Variants in SPATA31F1 observed in about 807,000 individuals in gnomAD.
The protein encoded by SPATA31F1 is SPATA31 subfamily F member 1.
the SPATA31F1 span, chr9:34,725,914 C>T: frequency 5.8e-6 from 9 of 1,551,888 alleles, no homozygotes; most frequent in South Asian, 1.2e-5. Flanking sequence ...CAACCAGGGA[C>T]TCACTGTGCA....
the SPATA31F1 span, chr9:34,723,948 G>A: frequency 2.1e-5 from 32 of 1,551,254 alleles, no homozygotes; most frequent in Non-Finnish European, 2.5e-5. Context: ...CGGCTCCATC[G>A]CCAGGACCCT....
the SPATA31F1 span, chr9:34,723,512 G>T: frequency 3.2e-6 from 5 of 1,551,794 alleles, no homozygotes; most frequent in South Asian, 5.9e-5. Flanking sequence ...TCTGGTTTTG[G>T]CCACCTTCGC....
the SPATA31F1 span, chr9:34,723,620 G>A: frequency 2.6e-6 from 4 of 1,551,768 alleles, no homozygotes; most frequent in South Asian, 4.8e-5. Context: ...GCTAGACTCT[G>A]TAAGGCTGGG....
the SPATA31F1 span, chr9:34,729,256 A>C: frequency 6.5e-7 from 1 of 1,545,462 alleles, no homozygotes; most frequent in African/African-American, 1.4e-5. Flanking sequence ...CTGAGGCTTA[A>C]TTAGTTCAGT....
chr9:34,723,890 G>A, the SPATA31F1 span: 1 of 1,551,704 alleles, frequency 6.4e-7, no homozygotes, highest in South Asian at 1.2e-5. Context: ...CTTAAGCTGA[G>A]GGTGATGCTG....
chr9:34,724,192 C>T, the SPATA31F1 span: 1 of 1,551,370 alleles, frequency 6.4e-7, no homozygotes, highest in Non-Finnish European at 8.7e-7. Context: ...TGGGTTTGTT[C>T]ACATTGGCCT....
the SPATA31F1 span, chr9:34,728,665 A>G: frequency 1.3e-6 from 2 of 1,551,292 alleles, no homozygotes; most frequent in Non-Finnish European, 1.7e-6. Context: ...CTTAGAAGAC[A>G]AAAACATTAG....
the SPATA31F1 span, chr9:34,724,167 A>G: frequency 2.6e-6 from 4 of 1,551,072 alleles, no homozygotes; most frequent in Non-Finnish European, 2.6e-6. Flanking sequence ...TCAGGGCCAC[A>G]GGGTTCCTCC....
the SPATA31F1 span, chr9:34,729,471 G>A: frequency 5.4e-5 from 82 of 1,519,318 alleles, no homozygotes; most frequent in Middle Eastern, 7.1e-4. Context: ...CCTCTATCTC[G>A]GAATTCAGGG....
At chr9:34,728,593 G>A in the SPATA31F1 span, 8 of 1,549,672 alleles carry the variant, frequency 5.2e-6, no homozygotes, top group Middle Eastern at 2.1e-4. Context: ...AGTCAGAGGA[G>A]AGATTGGGAC....
chr9:34,723,937 A>G, the SPATA31F1 span: 2 of 1,551,462 alleles, frequency 1.3e-6, no homozygotes, highest in East Asian at 4.9e-5. Context: ...GATGAAAGCT[A>G]CGGCTCCATC....
chr9:34,726,660 T>C, the SPATA31F1 span: 3 of 1,551,814 alleles, frequency 1.9e-6, no homozygotes, highest in South Asian at 3.6e-5. Flanking sequence ...TAATCTTGTA[T>C]GCCATCTGCA....
chr9:34,725,144 G>A, the SPATA31F1 span: 44 of 1,545,296 alleles, frequency 2.8e-5, no homozygotes, highest in Admixed American at 7.9e-5. Context: ...GCAGTCCCAG[G>A]ACCTGTGTAC....
chr9:34,728,720 G>C, the SPATA31F1 span: 1 of 1,420,038 alleles, frequency 7.0e-7, no homozygotes, highest in Non-Finnish European at 9.7e-7. Flanking sequence ...TCCAAAATGA[G>C]ACAAAACTTA....
At chr9:34,728,436 G>A in the SPATA31F1 span, among the ~76,000 whole-genome samples, 313 of 152,322 alleles carry the variant, frequency 2.1e-3, no homozygotes, top group Non-Finnish European at 3.3e-3. Context: ...TTGAGGTACA[G>A]GATTTTGGAA....
the SPATA31F1 span, chr9:34,729,431 C>G: frequency 6.5e-7 from 1 of 1,545,312 alleles, no homozygotes; most frequent in Non-Finnish European, 8.7e-7. Context: ...TCAACATGGT[C>G]TAAACTTCAT....
the SPATA31F1 span, chr9:34,727,886 A>G: frequency 1.3e-6 from 1 of 767,822 alleles, no homozygotes. Flanking sequence ...CAACCCTCTC[A>G]CCCAGTGTCC....
chr9:34,726,958 C>T, the SPATA31F1 span: 1 of 1,550,976 alleles, frequency 6.4e-7, no homozygotes, highest in Non-Finnish European at 8.7e-7. Flanking sequence ...GGATTCGCCG[C>T]ACACTTCTCT....
At chr9:34,726,573 A>G in the SPATA31F1 span, 1 of 1,551,796 alleles carries the variant, frequency 6.4e-7, no homozygotes, top group Non-Finnish European at 8.7e-7. Flanking sequence ...TCAATCCTTG[A>G]AGAAGCTATG....
Sources: allele counts gnomAD v4.1 joint callset (sites outside exome capture counted in the v4.1 genomes callset), GRCh38; gene constraint gnomAD v4.1.1; transcripts MANE v1.5; gene names NCBI Gene and HGNC (gene_info 2026-07-23, HGNC 2026-07-21).